The following RBM25 variants were observed in gnomAD, a reference collection of about 807,000 sequenced individuals.
RBM25 encodes RNA binding motif protein 25, also known as RNA-binding protein 25.
Under a neutral mutation model 120.7 loss-of-function variants are expected in RBM25, and 19 were observed. The observed-to-expected ratio is 0.16, with a 90% CI of 0.11 to 0.23. The LOEUF (loss-of-function observed/expected upper bound fraction) is 0.23, where lower values mean the gene tolerates loss of function less well. RBM25 is among the 10% of genes least tolerant of loss of function. RBM25 has a pLI of 1.00. For synonymous variants in RBM25, 390 were observed against 326.7 expected (o/e 1.19, Z -2.09); for missense variants, 605 against 1,041.5 (o/e 0.58, Z 5.77).
At position 73,077,430 on chromosome 14, in the gene RBM25, G is replaced by T. The variant is rs201610502; in HGVS notation, c.218G>T (p.Gly73Val). The T allele has an allele frequency of 1.2e-6, 2 of 1,613,722 alleles. No individual in the cohort carries two copies. The highest frequency in any genetic ancestry group is 1.7e-6 in the Non-Finnish European group (2 of 1,179,790). ...TTGGGCGCAAGAAAGGATCATCCAG[G>T]CTTAAAGGCTAAAGAAAATGATGAA... Reference protein sequence around the residue: ...KHLGARKDHPGLKAKENDENC... With the variant: ...KHLGARKDHPVLKAKENDENC... Residue 73 changes from glycine (G) to valine (V), a missense_variant, in exon 4 of 19, where the codon GGC (glycine) becomes GTC (valine). Coordinates refer to ENST00000261973, the MANE Select transcript of RBM25 (RefSeq NM_021239.3).
chr14:73,102,922 C>T, intron 9 of RBM25: 1 of 446,780 alleles, frequency 2.2e-6, no homozygotes, highest in Non-Finnish European at 3.8e-6. Context: ...TTAGTTAGTA[C>T]ATAGTCATTG....
At chr14:73,078,074 G>A (rs1317896513) in intron 4 of RBM25, among the ~76,000 whole-genome samples, 1 of 152,078 alleles carries the variant, frequency 6.6e-6, no homozygotes, top group Non-Finnish European at 1.5e-5. Flanking sequence ...AGGCCGAGGT[G>A]GGCAGATCAT....
Position 73,097,200 on chromosome 14 carries a change from T to TTC in RBM25, c.729+101_729+102insCT. 9.4e-6 allele frequency: 6 copies of TTC among 641,608 alleles called. 1 individual carries two copies. Among genetic ancestry groups the TTC allele is most frequent in the African/African-American group, 7.8e-5 (3 of 38,306 alleles). 39.7% of individuals were successfully genotyped at this position (641,608 alleles called of 1,614,324 possible). A position where few individuals can be genotyped will look rare whatever the true frequency, so the allele number is the denominator to read the frequency against. ...GTCAGTTTTCTTTTTTCTTTTCTTT[T>TTC]TTTTTTTTTTTTTTTTTTGAGATGG... On this transcript the variant is annotated intron_variant, in intron 7 of 18. Coordinates refer to ENST00000261973, the MANE Select transcript of RBM25 (RefSeq NM_021239.3).
chr14:73,091,475 A>G (rs780387833), intron 6 of RBM25, among the ~76,000 whole-genome samples: 23 of 152,154 alleles, frequency 1.5e-4, no homozygotes, highest in Non-Finnish European at 3.4e-4. Context: ...CAGCCTTCCA[A>G]AGTGCTGGGA....
intron 5 of RBM25, among the ~76,000 whole-genome samples, chr14:73,086,713 C>CT (rs964382302): frequency 7.9e-5 from 12 of 151,204 alleles, no homozygotes; most frequent in East Asian, 1.9e-4. Flanking sequence ...AATTACTTTT[C>CT]TTTTTTTTTG....
At chr14:73,069,516 C>T (rs1895223552) in intron 1 of RBM25, among the ~76,000 whole-genome samples, 2 of 151,996 alleles carry the variant, frequency 1.3e-5, no homozygotes, top group Admixed American at 1.3e-4. Flanking sequence ...ACACTACAAT[C>T]TCCACCTCCC....
chr14:73,064,387 A>G (rs1895076409), intron 1 of RBM25, among the ~76,000 whole-genome samples: 1 of 151,342 alleles, frequency 6.6e-6, no homozygotes, highest in Non-Finnish European at 1.5e-5. Context: ...TTTCCATGAG[A>G]GACCAATCTT....
chr14:73,090,178 G>A (rs1455900921), intron 6 of RBM25, among the ~76,000 whole-genome samples: 4 of 151,980 alleles, frequency 2.6e-5, no homozygotes, highest in African/African-American at 4.8e-5. Context: ...GGCCTACCGA[G>A]TAGCTGAGAT....
chr14:73,082,316 C>G (rs4903100), intron 4 of RBM25, among the ~76,000 whole-genome samples: 14,160 of 152,014 alleles, frequency 0.093, 1,734 homozygotes, highest in African/African-American at 0.29. Flanking sequence ...TTTTTTGAGA[C>G]AGTCTCATTC....
intron 1 of RBM25, among the ~76,000 whole-genome samples, chr14:73,060,331 G>A (rs978983387): frequency 2.0e-5 from 3 of 151,494 alleles, no homozygotes; most frequent in Non-Finnish European, 4.4e-5. Flanking sequence ...CACCGTGCCC[G>A]GCCTTCTGAA....
rs2140470740 is a variant in RBM25 at position 73,120,309 on chromosome 14, C to T, written c.*504C>T. On this transcript the variant is annotated 3_prime_UTR_variant, in exon 19 of 19. Coordinates refer to ENST00000261973, the MANE Select transcript of RBM25 (RefSeq NM_021239.3). ...TGCAAAAATTAGCAGACAATCCATT[C>T]CTACTGTATTTCTGTATGAATGTGT... 6.5e-6 allele frequency: 1 copy of T among 152,948 alleles called. No homozygotes were observed. Among genetic ancestry groups the T allele is most frequent in the African/African-American group, 2.4e-5 (1 of 41,560 alleles). 9.5% of individuals were successfully genotyped at this position (152,948 alleles called of 1,614,324 possible). A position where few individuals can be genotyped will look rare whatever the true frequency, so the allele number is the denominator to read the frequency against.
At chr14:73,064,395 CTT>C (rs1895076925) in intron 1 of RBM25, among the ~76,000 whole-genome samples, 2 of 151,170 alleles carry the variant, frequency 1.3e-5, no homozygotes, top group South Asian at 2.1e-4. Context: ...AGAGACCAAT[CTT>C]TTTTATTTTT....
chr14:73,101,174 G>GAAAAACCA lies in RBM25; in HGVS notation c.867+1428_867+1435dup, dbSNP rs1158185225. On this transcript the variant is annotated intron_variant, in intron 9 of 18. Transcript: ENST00000261973. The stretch of plus-strand genomic sequence containing the variant: ...TTTCAAAATAAAAAGAAATCAAAAT[G>GAAAAACCA]AAAAACCAAAACAGTTGTTTTTTAT... 1.1e-4 allele frequency: 16 copies of GAAAAACCA among 152,238 alleles called. No homozygotes were observed. The South Asian group carries it at 3.1e-3, about 30-fold the overall frequency. 9.4% of individuals were successfully genotyped at this position (152,238 alleles called of 1,614,324 possible). A position where few individuals can be genotyped will look rare whatever the true frequency, so the allele number is the denominator to read the frequency against.
intron 1 of RBM25, among the ~76,000 whole-genome samples, chr14:73,061,462 C>T (rs917408198): frequency 6.6e-6 from 1 of 151,418 alleles, no homozygotes; most frequent in Non-Finnish European, 1.5e-5. Flanking sequence ...GTTATGCATC[C>T]ATTACCCCAA....
intron 2 of RBM25, among the ~76,000 whole-genome samples, chr14:73,075,306 G>C (rs4496063): frequency 1.3e-5 from 2 of 151,768 alleles, no homozygotes; most frequent in Non-Finnish European, 2.9e-5. Context: ...TTACAGGCAC[G>C]CACCACTACG....
At chr14:73,097,188 T>TTTC (rs1895959523) in intron 7 of RBM25, 88 bp downstream of exon 7, 1 of 642,484 alleles carries the variant, frequency 1.6e-6, no homozygotes. Flanking sequence ...AGTTTTCTTT[T>TTTC]TTCTTTTCTT....
At chr14:73,091,733 C>T (rs1309813476) in intron 6 of RBM25, among the ~76,000 whole-genome samples, 8 of 151,922 alleles carry the variant, frequency 5.3e-5, no homozygotes, top group Admixed American at 2.6e-4. Flanking sequence ...AAAAATTAGC[C>T]GGATGTGGTG....
At chr14:73,105,038 TAC>T (rs57281649) in intron 10 of RBM25, among the ~76,000 whole-genome samples, 4,288 of 141,182 alleles carry the variant, frequency 0.03, 105 homozygotes, top group South Asian at 0.064. Context: ...ACATATTAAA[TAC>T]ACACACACAC....
At chr14:73,111,998 AC>A (rs1472584026) in intron 16 of RBM25, among the ~76,000 whole-genome samples, 153 bp from the exon 17 acceptor site, 4 of 152,254 alleles carry the variant, frequency 2.6e-5, no homozygotes, top group Non-Finnish European at 5.9e-5. Context: ...TTGAAGACTT[AC>A]TAAAAGCAGA....
Sources: gnomAD v4.1 joint callset for allele counts (sites outside exome capture counted in the v4.1 genomes callset) on GRCh38, gnomAD v4.1.1 for gene constraint, MANE v1.5 for transcripts, NCBI Gene and HGNC (gene_info 2026-07-23, HGNC 2026-07-21) for gene names.